Variants in ASTN2 observed in about 807,000 individuals in gnomAD.
ASTN2 encodes astrotactin 2, also known as astrotactin-2.
Under a neutral mutation model 139.8 loss-of-function variants are expected in ASTN2, and 54 were observed. The ratio of observed to expected loss-of-function variants is 0.39; its 90% CI spans 0.31 to 0.48. ASTN2 has a LOEUF of 0.48. Among genes scored for constraint, ASTN2 ranks in the 20% least tolerant of loss-of-function variants. The pLI is 0.95. For missense variants in ASTN2, 1,565 were observed against 1,725.1 expected, an observed-to-expected ratio of 0.91 and a Z score of 1.64; for synonymous variants, 756 against 719.5, an observed-to-expected ratio of 1.05 and a Z score of -0.81.
In ASTN2 at chr9:116,699,125, C is replaced by T. The variant is rs200244154; in HGVS notation, c.2806+26646G>A. 43 of 1,614,162 alleles carry T rather than the reference C, an allele frequency of 2.7e-5. No homozygotes were observed. The highest frequency in any genetic ancestry group is 6.7e-5 in the East Asian group (3 of 44,882). On this transcript the variant is annotated intron_variant, in intron 16 of 22. Transcript: ENST00000313400. This position sits in a 1 kb window ranked among gnomAD's most constrained non-coding sequence, Gnocchi z 4.2. Reference sequence around the variant, plus strand: ...AGGTATATACCTTGGATGGCCACTGCGTGGCCTGTCACAGGAGCCAGCTGA... The same window carrying T: ...AGGTATATACCTTGGATGGCCACTGTGTGGCCTGTCACAGGAGCCAGCTGA...
intron 13 of ASTN2, among the ~76,000 whole-genome samples, chr9:116,777,308 T>C (rs1222357243): frequency 6.6e-6 from 1 of 152,112 alleles, no homozygotes; most frequent in Non-Finnish European, 1.5e-5. Flanking sequence ...TTAGATAATT[T>C]GATAATCATA....
At chr9:116,991,954 C>T (rs1588464281) in intron 7 of ASTN2, among the ~76,000 whole-genome samples, 1 of 152,280 alleles carries the variant, frequency 6.6e-6, no homozygotes, top group Non-Finnish European at 1.5e-5. Flanking sequence ...GAGGAACACA[C>T]ATGCCCCAGA....
chr9:117,300,400 A>G (rs1467827578), intron 1 of ASTN2, among the ~76,000 whole-genome samples: 1 of 152,226 alleles, frequency 6.6e-6, no homozygotes, highest in Non-Finnish European at 1.5e-5. Context: ...CAGGTGTGCA[A>G]TAAATATTTG....
intron 16 of ASTN2, chr9:116,700,027 G>T: frequency 2.5e-6 from 1 of 393,054 alleles, no homozygotes; most frequent in Non-Finnish European, 4.8e-6. Context: ...TTTGAAATTT[G>T]CCCTTGTATT....
At chr9:117,385,030 C>A (rs1023268302) in intron 1 of ASTN2, among the ~76,000 whole-genome samples, 1 of 152,096 alleles carries the variant, frequency 6.6e-6, no homozygotes, top group Non-Finnish European at 1.5e-5. Context: ...GTACTGAGTA[C>A]CCATAATGAT....
chr9:116,897,687 G>A (rs1342016607), intron 10 of ASTN2, among the ~76,000 whole-genome samples: 1 of 151,696 alleles, frequency 6.6e-6, no homozygotes, highest in Non-Finnish European at 1.5e-5. Flanking sequence ...GTGTCACCAT[G>A]AACAGAGTTC....
intron 16 of ASTN2, among the ~76,000 whole-genome samples, chr9:116,670,618 A>G (rs573899627): frequency 2.0e-5 from 3 of 152,308 alleles, no homozygotes; most frequent in African/African-American, 7.2e-5. Flanking sequence ...TACAGATGTC[A>G]GTTGATGGAG....
intron 10 of ASTN2, among the ~76,000 whole-genome samples, chr9:116,913,941 T>G (rs1416550376): frequency 1.3e-5 from 2 of 150,762 alleles, no homozygotes; most frequent in African/African-American, 4.9e-5. Context: ...GTGAGTATGT[T>G]TCTAGCTCCA....
chr9:117,025,724 C>A (rs1838049306), intron 6 of ASTN2, among the ~76,000 whole-genome samples: 1 of 152,122 alleles, frequency 6.6e-6, no homozygotes, highest in Admixed American at 6.6e-5. Flanking sequence ...AGTGACATCT[C>A]CTACTAATAA....
rs193201476 is a variant in ASTN2, at chr9:116,854,474, G to A, written c.2040+9109C>T. ...AATGACAAGGTAAGATTTTGGCCCA[G>A]GTTTCTCTGATGCTAAAAACTGTGT... On this transcript the variant is annotated intron_variant, in intron 11 of 22. Transcript: ENST00000313400. Among the ~76,000 whole-genome samples the A allele has an allele frequency of 1.3e-4, 20 of 152,184 alleles. No individual in the cohort carries two copies. In the East Asian group the frequency reaches 2.3e-3, roughly 18 times the overall value.
In ASTN2 at chr9:116,729,074, G is replaced by A; in HGVS notation, c.2544C>T (p.Ala848=). 1 of 1,593,972 alleles carries A rather than the reference G, an allele frequency of 6.3e-7. No individual in the cohort carries two copies. The highest frequency in any genetic ancestry group is 8.6e-7 in the Non-Finnish European group (1 of 1,169,396). The part of the protein sequence containing the change: ...LLTGDIRYDE[A]MGYPMVQQWR... ...ACTGCTGCACCATGGGGTAACCCAT[G>A]GCCTCATCATACCTGATATCTCCTG... Residue 848 remains alanine, a synonymous_variant, in exon 15 of 23, where the codon GCC becomes GCT. Transcript: ENST00000313400.
intron 16 of ASTN2, among the ~76,000 whole-genome samples, chr9:116,652,268 G>C (rs2131930278): frequency 6.6e-6 from 1 of 152,292 alleles, no homozygotes; most frequent in Non-Finnish European, 1.5e-5. Context: ...AGAGGTTGCA[G>C]TGAGCTGAGA....
intron 11 of ASTN2, among the ~76,000 whole-genome samples, chr9:116,851,931 G>A (rs28475879): frequency 0.22 from 32,879 of 152,014 alleles, 4,227 homozygotes; most frequent in Non-Finnish European, 0.29. Flanking sequence ...GTACTGTGGC[G>A]GGAAAGGGAG....
chr9:117,118,493 T>C (rs1829459885), intron 4 of ASTN2, among the ~76,000 whole-genome samples: 1 of 152,196 alleles, frequency 6.6e-6, no homozygotes, highest in Non-Finnish European at 1.5e-5. Context: ...TCTGTCTATT[T>C]TACCACAAAA....
intron 1 of ASTN2, among the ~76,000 whole-genome samples, chr9:117,371,952 A>G (rs1428035650): frequency 2.6e-5 from 4 of 152,114 alleles, no homozygotes; most frequent in East Asian, 3.9e-4. Context: ...TACCTGTCTC[A>G]AAGTTCTTGC....
chr9:116,863,490 C>G (rs1044014130), intron 11 of ASTN2, 93 bp downstream of exon 11: 13 of 1,507,998 alleles, frequency 8.6e-6, no homozygotes, highest in Admixed American at 3.8e-5. Context: ...GGATATGATC[C>G]TCCTTACCAG....
intron 19 of ASTN2, chr9:116,579,072 C>T (rs925541732): frequency 6.6e-6 from 1 of 151,976 alleles, no homozygotes; most frequent in Non-Finnish European, 1.5e-5. Flanking sequence ...AGGTAAGGCA[C>T]CTGGAAAAAC....
chr9:117,037,921 TC>T (rs1242763305), intron 6 of ASTN2, among the ~76,000 whole-genome samples: 1 of 151,970 alleles, frequency 6.6e-6, no homozygotes, highest in Non-Finnish European at 1.5e-5. Flanking sequence ...CCCTGCCATC[TC>T]CCCCACCACA....
intron 19 of ASTN2, among the ~76,000 whole-genome samples, chr9:116,533,610 T>C (rs1358435109): frequency 6.6e-6 from 1 of 152,192 alleles, no homozygotes; most frequent in Non-Finnish European, 1.5e-5. Context: ...CTGCATCTAT[T>C]GAGATAATCA....
Sources: allele counts gnomAD v4.1 joint callset (sites outside exome capture counted in the v4.1 genomes callset), GRCh38; gene constraint gnomAD v4.1.1; non-coding constraint Gnocchi (gnomAD v3.1); transcripts MANE v1.5; gene names NCBI Gene and HGNC (gene_info 2026-07-23, HGNC 2026-07-21).